Variants in SLC35F4 observed in about 807,000 individuals in gnomAD.
The protein encoded by SLC35F4 is solute carrier family 35 member F4.
A neutral mutation model predicts 44.2 loss-of-function variants in SLC35F4; 24 were observed. The observed-to-expected ratio is 0.54, with a 90% CI of 0.39 to 0.76. The LOEUF is 0.76. SLC35F4 is among the 30% of genes least tolerant of loss of function. The pLI is 0.00. For synonymous variants in SLC35F4, 238 were observed against 223.6 expected, an observed-to-expected ratio of 1.06 and a Z score of -0.57; for missense variants, 562 against 586.1, an observed-to-expected ratio of 0.96 and a Z score of 0.42.
rs188287562 is a variant in SLC35F4 at position 57,643,968 on chromosome 14, T to G, written c.104-49844A>C. ...GAACTCATCCTTGTTTATGGCTGCATAGTATTCCATGGTGTGTATGTGCCA... is the reference window on the plus strand; with the variant it reads ...GAACTCATCCTTGTTTATGGCTGCAGAGTATTCCATGGTGTGTATGTGCCA... On this transcript the variant is annotated intron_variant, in intron 1 of 7. Transcript: ENST00000556826. Among the ~76,000 whole-genome samples the G allele has an allele frequency of 1.7e-3, 252 of 152,342 alleles. 1 individual carries two copies. Among genetic ancestry groups the G allele is most frequent in the East Asian group, 0.015 (77 of 5,188 alleles).
In SLC35F4 at chr14:57,734,273, C is replaced by T. The variant is rs555237891; in HGVS notation, c.103+131450G>A. Among the ~76,000 whole-genome samples the T allele has an allele frequency of 9.2e-5, 14 of 152,220 alleles. No homozygotes were observed. The South Asian group carries it at 2.1e-3, about 23-fold the overall frequency. On this transcript the variant is annotated intron_variant, in intron 1 of 7. Coordinates refer to ENST00000556826, the MANE Select transcript of SLC35F4 (RefSeq NM_001306087.2). ...GTTGTGCATTCTTTCTGAGCCTCAACCCTTTTTATGATAGGGTTACTATTA... is the reference window on the plus strand; with the variant it reads ...GTTGTGCATTCTTTCTGAGCCTCAATCCTTTTTATGATAGGGTTACTATTA...
chr14:57,897,153 T>C (rs749010006), intron 1 of SLC35F4, among the ~76,000 whole-genome samples: 1 of 152,190 alleles, frequency 6.6e-6, no homozygotes. Flanking sequence ...AGATACTAAG[T>C]TGACGTATGT....
chr14:57,869,254 A>G (rs1164492127), upstream of SLC35F4, among the ~76,000 whole-genome samples: 2 of 151,878 alleles, frequency 1.3e-5, no homozygotes, highest in Non-Finnish European at 2.9e-5. Context: ...TGGGATGATC[A>G]CTTACAGTCC....
rs199785589 is a variant in SLC35F4, at chr14:57,578,325, G to GTTTTTTTTTTT, written c.807+2878_807+2888dup. On this transcript the variant is annotated intron_variant, in intron 4 of 7. Coordinates refer to ENST00000556826, the MANE Select transcript of SLC35F4 (RefSeq NM_001306087.2). ...GATGACTGAAAGCATCCCTTTAACT[G>GTTTTTTTTTTT]TTTTTTTTTTTTTTTTTTTTTTTTT... Among the ~76,000 whole-genome samples the GTTTTTTTTTTT allele has an allele frequency of 3.1e-3, 132 of 43,164 alleles. 50 individuals carry two copies. Among genetic ancestry groups the GTTTTTTTTTTT allele is most frequent in the Non-Finnish European group, 4.5e-3 (99 of 21,764 alleles). The allele number at this position is 43,164 out of a possible 152,430, so 28.3% of individuals were successfully genotyped here. A position where few individuals can be genotyped will look rare whatever the true frequency, so the allele number is the denominator to read the frequency against.
At chr14:57,810,428 T>G (rs764139878) in intron 1 of SLC35F4, among the ~76,000 whole-genome samples, 5 of 152,246 alleles carry the variant, frequency 3.3e-5, no homozygotes, top group African/African-American at 1.2e-4. Context: ...TAATTTTACT[T>G]TTTGTTTGTT....
intron 2 of SLC35F4, among the ~76,000 whole-genome samples, chr14:57,590,267 C>A (rs1483379795): frequency 2.0e-5 from 3 of 148,664 alleles, no homozygotes; most frequent in Non-Finnish European, 4.5e-5. Flanking sequence ...GTGGCATATA[C>A]CTTTAGTCCC....
chr14:57,692,127 G>A lies in SLC35F4; in HGVS notation c.104-98003C>T, dbSNP rs75715283. Among the ~76,000 whole-genome samples, 266 of 152,298 alleles carry A rather than the reference G, an allele frequency of 1.7e-3. 10 individuals carry two copies. In the East Asian group the frequency reaches 0.05, roughly 29 times the overall value. ...TTCCATATAAAAATTTCCAGAAAAT[G>A]TTCAACAGACTATATTTGAAATTCT... On this transcript the variant is annotated intron_variant, in intron 1 of 7. Coordinates refer to ENST00000556826, the MANE Select transcript of SLC35F4 (RefSeq NM_001306087.2).
chr14:57,776,481 A>G (rs532744013), intron 1 of SLC35F4, among the ~76,000 whole-genome samples: 160 of 152,156 alleles, frequency 1.1e-3, no homozygotes, highest in African/African-American at 3.6e-3. Context: ...CCTGGTTAAC[A>G]TGGTGAAACC....
intron 1 of SLC35F4, among the ~76,000 whole-genome samples, chr14:57,823,347 T>C (rs1333795350): frequency 6.6e-6 from 1 of 152,192 alleles, no homozygotes; most frequent in African/African-American, 2.4e-5. Context: ...ACCTACCCTG[T>C]CCTCATAGAT....
At chr14:57,917,645 A>G (rs1889356349) in intron 1 of SLC35F4, among the ~76,000 whole-genome samples, 1 of 152,140 alleles carries the variant, frequency 6.6e-6, no homozygotes, top group African/African-American at 2.4e-5. Context: ...GAAGCATTCT[A>G]TAGTCCTGTG....
chr14:57,720,570 T>C (rs1377424717), intron 1 of SLC35F4, among the ~76,000 whole-genome samples: 2 of 152,136 alleles, frequency 1.3e-5, no homozygotes, highest in Non-Finnish European at 2.9e-5. Flanking sequence ...GTTGTATGTA[T>C]CTAGGAATTT....
At chr14:57,621,161 C>T (rs370598041) in intron 1 of SLC35F4, among the ~76,000 whole-genome samples, 2 of 151,594 alleles carry the variant, frequency 1.3e-5, no homozygotes, top group African/African-American at 2.4e-5. Context: ...CTCAATGAAA[C>T]AAAAGAGGAT....
chr14:57,976,586 A>G (rs1881225743), downstream of SLC35F4, among the ~76,000 whole-genome samples: 1 of 152,228 alleles, frequency 6.6e-6, no homozygotes, highest in African/African-American at 2.4e-5. Context: ...GGCAGTTGCC[A>G]TCAAGTCACC....
At chr14:57,669,048 C>A (rs1443089878) in intron 1 of SLC35F4, among the ~76,000 whole-genome samples, 7 of 152,146 alleles carry the variant, frequency 4.6e-5, no homozygotes, top group East Asian at 1.9e-4. Flanking sequence ...GCCTTTACAT[C>A]CCCTGTAAGT....
intron 1 of SLC35F4, among the ~76,000 whole-genome samples, chr14:57,697,854 C>G (rs76198397): frequency 6.6e-6 from 1 of 152,140 alleles, no homozygotes; most frequent in African/African-American, 2.4e-5. Flanking sequence ...TATAGACATA[C>G]ACAATCACAA....
At chr14:57,908,863 C>T (rs2141049979) in intron 1 of SLC35F4, among the ~76,000 whole-genome samples, 1 of 152,256 alleles carries the variant, frequency 6.6e-6, no homozygotes, top group South Asian at 2.1e-4. Context: ...TTGCCCATGC[C>T]TATGTCCTGA....
intron 1 of SLC35F4, among the ~76,000 whole-genome samples, chr14:57,954,531 A>T (rs1328746027): frequency 6.6e-6 from 1 of 152,186 alleles, no homozygotes; most frequent in Non-Finnish European, 1.5e-5. Flanking sequence ...CGCCAGCCAG[A>T]CTAATAAAGA....
intron 1 of SLC35F4, among the ~76,000 whole-genome samples, chr14:57,688,691 G>A (rs925889817): frequency 1.3e-5 from 2 of 152,116 alleles, no homozygotes; most frequent in African/African-American, 4.8e-5. Context: ...ATTCTATCTA[G>A]ATGTAACCAG....
rs933489273 is a variant in SLC35F4 at position 57,865,978 on chromosome 14, C to G, written c.-153G>C. The stretch of plus-strand genomic sequence containing the variant: ...ACTCCACCGCCCGGCGCAGCACCGG[C>G]TCCGCATCACAGCGGCGGCGGCGGC... On this transcript the variant is annotated 5_prime_UTR_variant, in exon 1 of 8. Transcript: ENST00000556826. The G allele has an allele frequency of 2.4e-6, 1 of 423,256 alleles. No individual in the cohort carries two copies. The highest frequency in any genetic ancestry group is 2.1e-5 in the African/African-American group (1 of 46,578). The allele number at this position is 423,256 out of a possible 1,614,324, so 26.2% of individuals were successfully genotyped here.
Sources: gnomAD v4.1 joint callset for allele counts (sites outside exome capture counted in the v4.1 genomes callset) on GRCh38, gnomAD v4.1.1 for gene constraint, MANE v1.5 for transcripts, NCBI Gene and HGNC (gene_info 2026-07-23, HGNC 2026-07-21) for gene names.